DENND1B: variants seen among roughly 807,000 people sequenced by gnomAD.
DENND1B encodes the protein DENN domain containing 1B.
Under a neutral mutation model 90.1 loss-of-function variants are expected in DENND1B, and 59 were observed. The observed-to-expected ratio is 0.65, with a 90% CI of 0.53 to 0.81. The LOEUF (loss-of-function observed/expected upper bound fraction) is 0.81. Ranked by LOEUF, DENND1B falls within the 40% of genes least tolerant of loss-of-function variation. The probability of loss-of-function intolerance (pLI) is 0.00; values close to 1 mark genes in which losing one functional copy is unlikely to be tolerated. For synonymous variants in DENND1B, 337 were observed against 324.6 expected (o/e 1.04, Z -0.41); for missense variants, 862 against 912.6 (o/e 0.94, Z 0.71).
At chr1:197,512,406 G>T (rs984317396) in intron 21 of DENND1B, among the ~76,000 whole-genome samples, 5 of 151,630 alleles carry the variant, frequency 3.3e-5, no homozygotes, top group African/African-American at 1.2e-4. Context: ...TACATCAATT[G>T]TAAGAAGCTA....
intron 2 of DENND1B, among the ~76,000 whole-genome samples, chr1:197,754,977 A>G (rs1411763266): frequency 6.6e-6 from 1 of 152,182 alleles, no homozygotes; most frequent in Non-Finnish European, 1.5e-5. Context: ...ATTTACACTC[A>G]TATACATACA....
Position 197,540,995 on chromosome 1 carries a change from C to T in DENND1B, c.1371G>A (p.Leu457=). The stretch of plus-strand genomic sequence containing the variant: ...GTTTACTCTTCACTTCCTTTAGTCC[C>T]AGCTTTGCATGATTTTTTGCCTAGA... ...AYKFAKNHAK[L]GLKEVKSKLK... Residue 457 remains leucine (L), a synonymous_variant, in exon 19 of 23, where the codon CTG becomes CTA. Coordinates refer to ENST00000620048, the MANE Select transcript of DENND1B (RefSeq NM_001195215.2). 6.2e-7 allele frequency: 1 copy of T among 1,612,568 alleles called. No individual in the cohort carries two copies. Among genetic ancestry groups the T allele is most frequent in the Non-Finnish European group, 8.5e-7 (1 of 1,179,232 alleles).
In DENND1B at chr1:197,641,923, G is replaced by C. The variant is rs1680302168; in HGVS notation, c.672+788C>G. Reference sequence around the variant, plus strand: ...TTTTATTTATCAATTAATCAAATTTGTGAGGAAGAAAATTCATAAAATATT... The same window carrying C: ...TTTTATTTATCAATTAATCAAATTTCTGAGGAAGAAAATTCATAAAATATT... On this transcript the variant is annotated intron_variant, in intron 10 of 22. Coordinates refer to ENST00000620048, the MANE Select transcript of DENND1B (RefSeq NM_001195215.2). 3.3e-5 allele frequency among the ~76,000 whole-genome samples: 5 copies of C among 152,106 alleles called. No individual in the cohort carries two copies. In the South Asian group the frequency reaches 1.0e-3, roughly 32 times the overall value.
At chr1:197,682,339 T>C (rs945836531) in intron 3 of DENND1B, among the ~76,000 whole-genome samples, 1 of 152,152 alleles carries the variant, frequency 6.6e-6, no homozygotes, top group Non-Finnish European at 1.5e-5. Context: ...GGAAGCTTTG[T>C]CTAGAGGAAC....
chr1:197,625,663 A>C (rs1300728803), intron 10 of DENND1B, among the ~76,000 whole-genome samples: 1 of 152,084 alleles, frequency 6.6e-6, no homozygotes, highest in Admixed American at 6.6e-5. Flanking sequence ...CACACATAAC[A>C]ATATTAACTT....
chr1:197,636,730 T>A (rs1679827728), intron 10 of DENND1B, among the ~76,000 whole-genome samples: 1 of 152,112 alleles, frequency 6.6e-6, no homozygotes, highest in South Asian at 2.1e-4. Context: ...GTATATATGA[T>A]CTGAAAATAA....
At chr1:197,725,050 A>C (rs1661502185) in intron 2 of DENND1B, among the ~76,000 whole-genome samples, 1 of 152,180 alleles carries the variant, frequency 6.6e-6, no homozygotes, top group Admixed American at 6.5e-5. Flanking sequence ...GGAAGAAAAT[A>C]ATATTAGAAG....
upstream of DENND1B, among the ~76,000 whole-genome samples, chr1:197,778,882 G>C (rs989041058): frequency 1.3e-5 from 2 of 151,916 alleles, no homozygotes; most frequent in African/African-American, 4.8e-5. Context: ...TCATTTAGGA[G>C]TTATCCTAGA....
chr1:197,620,214 A>C (rs1178475520), intron 10 of DENND1B, among the ~76,000 whole-genome samples: 3 of 151,308 alleles, frequency 2.0e-5, no homozygotes, highest in Non-Finnish European at 4.4e-5. Flanking sequence ...ATGAGAAAAT[A>C]CTATTATGGC....
intron 14 of DENND1B, among the ~76,000 whole-genome samples, chr1:197,594,205 A>G (rs970133510): frequency 1.3e-5 from 2 of 152,182 alleles, no homozygotes; most frequent in African/African-American, 2.4e-5. Context: ...GAATCCTTCC[A>G]ATAATTAGAT....
intron 20 of DENND1B, among the ~76,000 whole-genome samples, chr1:197,529,242 A>ATG (rs1160722638): frequency 0.015 from 162 of 10,778 alleles, 1 homozygote; most frequent in Middle Eastern, 0.036. Context: ...ATATATATAT[A>ATG]TGTGTGTGTG....
rs577766481 is a variant in DENND1B, at chr1:197,510,839, C to A, written c.1949G>T (p.Arg650Leu). The A allele has an allele frequency of 7.4e-6, 12 of 1,611,750 alleles. No homozygotes were observed. The Admixed American group carries it at 2.0e-4, about 27-fold the overall frequency. ...ATCTGTCAAACCACTAGAGGAAACC[C>A]GCTTCCTAGGAGATGGAGGGAGGTG... ...GKHLPPSPRKRVSSSGLTDSL... is the reference protein window; with the variant it reads ...GKHLPPSPRKLVSSSGLTDSL... Residue 650 changes from arginine (R) to leucine (L), a missense_variant, in exon 23 of 23, where the codon CGG (arginine) becomes CTG (leucine). Arg to Leu is a moderately radical substitution (Grantham distance 102, BLOSUM62 -2). Transcript: ENST00000620048.
chr1:197,586,165 T>C, intron 14 of DENND1B, among the ~76,000 whole-genome samples: 1 of 152,172 alleles, frequency 6.6e-6, no homozygotes, highest in Non-Finnish European at 1.5e-5. Context: ...CCAACAGTGT[T>C]TCCCAAAAGC....
At chr1:197,703,114 A>C (rs1472417933) in intron 3 of DENND1B, among the ~76,000 whole-genome samples, 2 of 151,920 alleles carry the variant, frequency 1.3e-5, no homozygotes, top group African/African-American at 2.4e-5. Flanking sequence ...CAGTCTCCCA[A>C]GTAGCTGGGA....
chr1:197,737,635 T>G (rs1279532790), intron 2 of DENND1B, among the ~76,000 whole-genome samples: 1 of 152,176 alleles, frequency 6.6e-6, no homozygotes, highest in South Asian at 2.1e-4. Flanking sequence ...AATGCAACAA[T>G]GATTCTTATT....
intron 3 of DENND1B, among the ~76,000 whole-genome samples, chr1:197,713,789 A>ATACT (rs1660227664): frequency 7.2e-5 from 1 of 13,872 alleles, no homozygotes; most frequent in East Asian, 5.1e-3. Flanking sequence ...ATTATATTAT[A>ATACT]ATATTATTAT....
chr1:197,737,888 A>G (rs1558463074), intron 2 of DENND1B, among the ~76,000 whole-genome samples: 1 of 152,232 alleles, frequency 6.6e-6, no homozygotes, highest in Non-Finnish European at 1.5e-5. Context: ...CCTTGAGGAA[A>G]TAAAGCATTA....
intron 10 of DENND1B, among the ~76,000 whole-genome samples, chr1:197,642,471 G>GA (rs927878421): frequency 4.9e-4 from 73 of 150,212 alleles, no homozygotes; most frequent in African/African-American, 1.3e-3. Flanking sequence ...GAGTTAAAAA[G>GA]AAAAAAAAAC....
intron 2 of DENND1B, among the ~76,000 whole-genome samples, chr1:197,736,460 T>C (rs771010610): frequency 6.6e-6 from 1 of 152,054 alleles, no homozygotes; most frequent in African/African-American, 2.4e-5. Flanking sequence ...GCCTCCCAAA[T>C]AGCTAAGACT....
Sources: gnomAD v4.1 joint callset for allele counts (sites outside exome capture counted in the v4.1 genomes callset) on GRCh38, gnomAD v4.1.1 for gene constraint, MANE v1.5 for transcripts, NCBI Gene and HGNC (gene_info 2026-07-23, HGNC 2026-07-21) for gene names.